UCK2: variants seen among roughly 807,000 people sequenced by gnomAD.
UCK2 encodes the protein cytidine monophosphokinase 2.
In UCK2, 6 loss-of-function variants were observed where a neutral mutation model predicts 30.8. That is an observed-to-expected ratio of 0.19 (90% CI 0.11 to 0.38). UCK2 has a LOEUF of 0.38. Among genes scored for constraint, UCK2 ranks in the 10% least tolerant of loss-of-function variants. The pLI is 1.00. For missense variants in UCK2, 210 were observed against 339.8 expected, an observed-to-expected ratio of 0.62 and a Z score of 3.00; for synonymous variants, 125 against 133.6, an observed-to-expected ratio of 0.94 and a Z score of 0.45.
At chr1:165,868,510 A>G (rs528294123) in intron 1 of UCK2, among the ~76,000 whole-genome samples, 19 of 152,362 alleles carry the variant, frequency 1.2e-4, no homozygotes, top group African/African-American at 4.3e-4. Flanking sequence ...ATAACTTGCT[A>G]CAGCTTCTAC....
chr1:165,838,891 T>C (rs1654260673), intron 1 of UCK2, among the ~76,000 whole-genome samples: 1 of 151,900 alleles, frequency 6.6e-6, no homozygotes, highest in South Asian at 2.1e-4. Flanking sequence ...CTACTAAAAA[T>C]ACAAAAATTA....
intron 1 of UCK2, 105 bp downstream of exon 1, chr1:165,828,037 C>G (rs1180819624): frequency 1.1e-6 from 1 of 880,054 alleles, no homozygotes; most frequent in Admixed American, 5.0e-5. Context: ...CACCGCGTGG[C>G]CCGCGCGCCT....
chr1:165,869,111 T>G (rs1241577452), intron 1 of UCK2, among the ~76,000 whole-genome samples: 1 of 152,216 alleles, frequency 6.6e-6, no homozygotes, highest in Non-Finnish European at 1.5e-5. Context: ...TGTACATTAA[T>G]GGATTCAATT....
At chr1:165,896,592 T>G (rs1408519701) in intron 4 of UCK2, among the ~76,000 whole-genome samples, 1 of 152,246 alleles carries the variant, frequency 6.6e-6, no homozygotes, top group African/African-American at 2.4e-5. Context: ...AGAGACTAAA[T>G]AAGACACTGA....
chr1:165,856,567 T>G (rs2101861805), intron 1 of UCK2, among the ~76,000 whole-genome samples: 1 of 152,000 alleles, frequency 6.6e-6, no homozygotes, highest in African/African-American at 2.4e-5. Flanking sequence ...TTGACATTCC[T>G]GTGTGTTTTT....
chr1:165,877,594 A>T (rs1211743231), intron 1 of UCK2, among the ~76,000 whole-genome samples: 1 of 152,176 alleles, frequency 6.6e-6, no homozygotes. Flanking sequence ...TTGTATCAGC[A>T]GTCATTCGTT....
At chr1:165,830,265 A>G (rs1206192190) in intron 1 of UCK2, among the ~76,000 whole-genome samples, 3 of 151,662 alleles carry the variant, frequency 2.0e-5, no homozygotes, top group Non-Finnish European at 4.4e-5. Context: ...CTGCCTCCCA[A>G]AGTGCTGGGA....
In UCK2 at chr1:165,910,823, A is replaced by G. The variant is rs1647835946; in HGVS notation, c.*3000A>G. On this transcript the variant is annotated 3_prime_UTR_variant, in exon 7 of 7. Coordinates refer to ENST00000367879, the MANE Select transcript of UCK2 (RefSeq NM_012474.5). ...CTGCTTCTGGTCTTGGCCACTTGGCAATCATGGGGAAGTTGACTCCCCGCC... is the reference window on the plus strand; with the variant it reads ...CTGCTTCTGGTCTTGGCCACTTGGCGATCATGGGGAAGTTGACTCCCCGCC... 6.6e-6 allele frequency: 1 copy of G among 152,234 alleles called. No individual in the cohort carries two copies. 9.4% of individuals were successfully genotyped at this position (152,234 alleles called of 1,614,324 possible).
At chr1:165,897,127 G>A (rs957130132) in intron 4 of UCK2, among the ~76,000 whole-genome samples, 1 of 152,148 alleles carries the variant, frequency 6.6e-6, no homozygotes, top group Non-Finnish European at 1.5e-5. Context: ...AGAGTGGCAG[G>A]AACCTGGAGT....
intron 1 of UCK2, among the ~76,000 whole-genome samples, chr1:165,836,674 T>C (rs1375580330): frequency 1.3e-5 from 2 of 152,078 alleles, no homozygotes; most frequent in Admixed American, 6.6e-5. Flanking sequence ...GGATTCAGAG[T>C]GGAGGGGTGA....
chr1:165,830,374 G>A (rs938445002), intron 1 of UCK2, among the ~76,000 whole-genome samples: 2 of 149,534 alleles, frequency 1.3e-5, no homozygotes, highest in African/African-American at 5.0e-5. Context: ...GCCCAGGCTG[G>A]AGTGCAGTGG....
intron 1 of UCK2, among the ~76,000 whole-genome samples, chr1:165,831,651 A>C (rs562147334): frequency 3.1e-4 from 47 of 152,300 alleles, no homozygotes; most frequent in Non-Finnish European, 5.3e-4. Flanking sequence ...TGGATGTGCC[A>C]TTTTCCTTTT....
At chr1:165,832,632 A>G (rs1261201659) in intron 1 of UCK2, among the ~76,000 whole-genome samples, 1 of 152,120 alleles carries the variant, frequency 6.6e-6, no homozygotes, top group Non-Finnish European at 1.5e-5. Flanking sequence ...TTTTTGGGAC[A>G]GAGCCTTGCT....
At chr1:165,902,125 A>C (rs1188698746) in intron 4 of UCK2, among the ~76,000 whole-genome samples, 1 of 152,004 alleles carries the variant, frequency 6.6e-6, no homozygotes, top group Non-Finnish European at 1.5e-5. Flanking sequence ...AGTCTCAGCT[A>C]CTCGGGAGGC....
At chr1:165,852,826 C>G (rs1654631258) in intron 1 of UCK2, among the ~76,000 whole-genome samples, 1 of 152,094 alleles carries the variant, frequency 6.6e-6, no homozygotes, top group African/African-American at 2.4e-5. Context: ...ACAAACGGTG[C>G]AGGGAAATAG....
intron 1 of UCK2, among the ~76,000 whole-genome samples, chr1:165,854,702 C>A (rs576491119): frequency 6.6e-6 from 1 of 151,992 alleles, no homozygotes; most frequent in East Asian, 1.9e-4. Context: ...TTGACTTTTC[C>A]TATGTTTGTT....
chr1:165,910,319 A>G lies in UCK2; in HGVS notation c.*2496A>G, dbSNP rs1259069604. The G allele has an allele frequency of 6.6e-6, 1 of 152,268 alleles. No individual in the cohort carries two copies. The highest frequency in any genetic ancestry group is 2.4e-5 in the African/African-American group (1 of 41,464). 9.4% of individuals were successfully genotyped at this position (152,268 alleles called of 1,614,324 possible). A position where few individuals can be genotyped will look rare whatever the true frequency, so the allele number is the denominator to read the frequency against. On this transcript the variant is annotated 3_prime_UTR_variant, in exon 7 of 7. Coordinates refer to ENST00000367879, the MANE Select transcript of UCK2 (RefSeq NM_012474.5). Reference sequence around the variant, plus strand: ...TCTGATTCCATGGAGAGTCAGGAGTAGAATTAGTGGACCAGAAACCATGAC... The same window carrying G: ...TCTGATTCCATGGAGAGTCAGGAGTGGAATTAGTGGACCAGAAACCATGAC...
At chr1:165,829,698 T>C (rs1653994191) in intron 1 of UCK2, among the ~76,000 whole-genome samples, 1 of 152,208 alleles carries the variant, frequency 6.6e-6, no homozygotes, top group African/African-American at 2.4e-5. Context: ...ATCAAGCTTT[T>C]GGTGTTACTT....
At chr1:165,835,266 C>G (rs1441657998) in intron 1 of UCK2, among the ~76,000 whole-genome samples, 1 of 147,050 alleles carries the variant, frequency 6.8e-6, no homozygotes, top group Non-Finnish European at 1.5e-5. Flanking sequence ...GTATTCATAA[C>G]CGCTAAGAGA....
Sources: gnomAD v4.1 joint callset for allele counts (sites outside exome capture counted in the v4.1 genomes callset) on GRCh38, gnomAD v4.1.1 for gene constraint, MANE v1.5 for transcripts, NCBI Gene and HGNC (gene_info 2026-07-23, HGNC 2026-07-21) for gene names.